The following CCDC78 variants were observed in gnomAD, a reference collection of about 807,000 sequenced individuals.
CCDC78 encodes coiled-coil domain containing 78.
Under a neutral mutation model 61.9 loss-of-function variants are expected in CCDC78, and 78 were observed. That is an observed-to-expected ratio of 1.26 (90% CI 1.05 to 1.52). The LOEUF is 1.52. Ranked by LOEUF, CCDC78 falls within the 40% of genes most tolerant of loss-of-function variation. CCDC78 has a pLI of 0.00. For missense variants in CCDC78, 737 were observed against 615.5 expected, an observed-to-expected ratio of 1.20 and a Z score of -2.09; for synonymous variants, 287 against 251.9, an observed-to-expected ratio of 1.14 and a Z score of -1.32.
rs748906891 is a variant in CCDC78 at position 725,232 on chromosome 16, C to T, written c.492+5G>A. 1.2e-6 allele frequency: 2 copies of T among 1,608,610 alleles called. No homozygotes were observed. The highest frequency in any genetic ancestry group is 2.2e-5 in the South Asian group (2 of 91,082). On this transcript the variant is annotated splice_donor_5th_base_variant and intron_variant, in intron 5 of 13. Coordinates refer to ENST00000345165, the MANE Select transcript of CCDC78 (RefSeq NM_001378030.1). ...CTCCCCTGAGCTAGGTGGCTGCACA[C>T]TCACGCCGCTCCCCAGCCTGTGCTG...
In CCDC78 at chr16:725,149, T is replaced by G. The variant is rs1380452052; in HGVS notation, c.493-4A>C. 6.2e-7 allele frequency: 1 copy of G among 1,612,724 alleles called. No individual in the cohort carries two copies. Among genetic ancestry groups the G allele is most frequent in the Non-Finnish European group, 8.5e-7 (1 of 1,179,990 alleles). On this transcript the variant is annotated splice_polypyrimidine_tract_variant and splice_region_variant and intron_variant, in intron 5 of 13. Transcript: ENST00000345165. ...CCCACTTCACTTCCCCCTGCAGCTG[T>G]GGGGCACACAGGGCTGGCTGGATGA...
rs2040763610 is a variant in CCDC78, at chr16:725,283, T to C, written c.446A>G (p.Lys149Arg). Reference sequence around the variant, plus strand: ...CTCATTCTCGGGGTTCATGGTGTTCTTGGGCTGCACCTGAATGGAAGGGAG... The same window carrying C: ...CTCATTCTCGGGGTTCATGGTGTTCCTGGGCTGCACCTGAATGGAAGGGAG... Reference protein sequence around the residue: ...SDDHRFQVQPKNTMNPENEQH... With the variant: ...SDDHRFQVQPRNTMNPENEQH... The change falls in exon 5 of 14, where the codon AAG becomes AGG. Residue 149 changes from lysine to arginine, a missense_variant. By Grantham distance (26) the Lys-to-Arg change is conservative (BLOSUM62 2). Coordinates refer to ENST00000345165, the MANE Select transcript of CCDC78 (RefSeq NM_001378030.1). 6.2e-7 allele frequency: 1 copy of C among 1,607,502 alleles called. No homozygotes were observed. The highest frequency in any genetic ancestry group is 1.7e-5 in the Admixed American group (1 of 60,002).
intron 11 of CCDC78, chr16:723,587 A>G (rs1346444503): frequency 1.5e-6 from 1 of 685,606 alleles, no homozygotes. Context: ...TCCAGGTCTC[A>G]GCGGAAACCT....
rs752780018 is a variant in CCDC78 at position 726,009 on chromosome 16, T to A, written c.137A>T (p.Glu46Val). The stretch of plus-strand genomic sequence containing the variant: ...ATTGAGCGCTAGATCTGGTGGGACC[T>A]CTGCTTCCAAGCTGGTGGCCCACAC... ...TAVWATSLEA[E>V]VPPDLALNKE... is the part of the protein sequence containing the mutation. The change falls in exon 2 of 14, where the codon GAG becomes GTG. Residue 46 changes from glutamate to valine, a missense_variant. Coordinates refer to ENST00000345165, the MANE Select transcript of CCDC78 (RefSeq NM_001378030.1). The A allele has an allele frequency of 1.5e-5, 23 of 1,549,510 alleles. No homozygotes were observed. Among genetic ancestry groups the A allele is most frequent in the Non-Finnish European group, 2.0e-5 (23 of 1,147,080 alleles).
intron 7 of CCDC78, 33 bp downstream of exon 7, chr16:724,877 TC>T: frequency 6.3e-7 from 1 of 1,597,774 alleles, no homozygotes; most frequent in African/African-American, 1.3e-5. Context: ...GCCCCCACCC[TC>T]CAGGTCTCCA....
At position 725,303 on chromosome 16, in the gene CCDC78, AG is replaced by A. The variant is rs764752941; in HGVS notation, c.436-11del. 1.2e-6 allele frequency: 2 copies of A among 1,608,506 alleles called. No homozygotes were observed. The highest frequency in any genetic ancestry group is 1.7e-6 in the Non-Finnish European group (2 of 1,179,936). ...TGTTCTTGGGCTGCACCTGAATGGA[AG>A]GGAGGGCAGGGAAAGCTAAGGGGTG... is the stretch of plus-strand genomic sequence containing the variant. On this transcript the variant is annotated splice_polypyrimidine_tract_variant and intron_variant, in intron 4 of 13. Transcript: ENST00000345165.
chr16:725,730 C>T, intron 3 of CCDC78, 64 bp downstream of exon 3: 2 of 1,575,010 alleles, frequency 1.3e-6, no homozygotes, highest in Non-Finnish European at 1.7e-6. Context: ...CCATGCAGGG[C>T]ACGTGTCCTG....
chr16:723,765 G>T, intron 11 of CCDC78, 92 bp downstream of exon 11: 1 of 1,168,400 alleles, frequency 8.6e-7, no homozygotes, highest in Non-Finnish European at 1.2e-6. Flanking sequence ...TCTGGCGGGG[G>T]CTTGGTGGAG....
intron 7 of CCDC78, 43 bp downstream of exon 7, chr16:724,868 C>A (rs1233515099): frequency 6.2e-7 from 1 of 1,600,552 alleles, no homozygotes; most frequent in African/African-American, 1.3e-5. Context: ...GCTTCTGGGG[C>A]CCCCACCCTC....
At position 726,050 on chromosome 16, in the gene CCDC78, A is replaced by G; in HGVS notation, c.96T>C (p.Ala32=). 2 of 1,548,518 alleles carry G rather than the reference A, an allele frequency of 1.3e-6. No individual in the cohort carries two copies. The highest frequency in any genetic ancestry group is 2.4e-5 in the South Asian group (2 of 84,060). The change falls in exon 2 of 14, where the codon GCT becomes GCC. Residue 32 remains alanine (A), a synonymous_variant. Transcript: ENST00000345165. The part of the protein sequence containing the change: ...VLRAKDWLPG[A]PGGTAVWATS... ...TGGCCCACACTGCGGTGCCCCCAGG[A>G]GCTCCTGGCAGCCAGTCCTTGGCTC...
chr16:722,786 G>A lies in CCDC78; in HGVS notation c.1305C>T (p.Tyr435=). The A allele has an allele frequency of 6.2e-7, 1 of 1,612,622 alleles. No homozygotes were observed. The highest frequency in any genetic ancestry group is 1.7e-5 in the Admixed American group (1 of 60,016). The change falls in exon 14 of 14, where the codon TAC becomes TAT. Residue 435 remains tyrosine (Y), a synonymous_variant. Transcript: ENST00000345165. ...QEYVDQHLGR[Y]KHEILRLRKL... is the part of the protein sequence containing the mutation. ...TCCTCAGCCTCAGGATTTCGTGCTT[G>A]TACCTGCTCAGAGGAACCATGCTTA...
rs1407963890 is a variant in CCDC78 at position 726,237 on chromosome 16, C to A, written c.60+71G>T. The A allele has an allele frequency of 1.9e-6, 3 of 1,549,666 alleles. No individual in the cohort carries two copies. In the Admixed American group the frequency reaches 5.9e-5, roughly 31 times the overall value. On this transcript the variant is annotated intron_variant, in intron 1 of 13. Transcript: ENST00000345165. ...TAGGCCCAGGGTGCAGGAACCTGCA[C>A]CCTCCTGGCCTTTGGGGGAACGGGC...
In CCDC78 at chr16:724,129, C is replaced by G; in HGVS notation, c.1030G>C (p.Asp344His). ...LEPLPVPLVTDFSHREDQHGG... is the reference protein window; with the variant it reads ...LEPLPVPLVTHFSHREDQHGG... ...ACCTGGTCCTCCCGATGGCTGAAGTCAGTGACCAGGGGCACGGGCAATGGT... is the reference window on the plus strand; with the variant it reads ...ACCTGGTCCTCCCGATGGCTGAAGTGAGTGACCAGGGGCACGGGCAATGGT... The change falls in exon 10 of 14, where the codon GAC becomes CAC. Residue 344 changes from aspartate to histidine, a missense_variant. By Grantham distance (81) the Asp-to-His change is moderately conservative (BLOSUM62 -1). Coordinates refer to ENST00000345165, the MANE Select transcript of CCDC78 (RefSeq NM_001378030.1). 6.2e-7 allele frequency: 1 copy of G among 1,600,998 alleles called. No individual in the cohort carries two copies. The highest frequency in any genetic ancestry group is 8.5e-7 in the Non-Finnish European group (1 of 1,174,000).
Position 725,310 on chromosome 16 carries a change from G to A in CCDC78, c.436-17C>T. On this transcript the variant is annotated splice_polypyrimidine_tract_variant and intron_variant, in intron 4 of 13. Transcript: ENST00000345165. ...GGGCTGCACCTGAATGGAAGGGAGG[G>A]CAGGGAAAGCTAAGGGGTGGGTGAG... 2 of 1,609,056 alleles carry A rather than the reference G, an allele frequency of 1.2e-6. No homozygotes were observed. The highest frequency in any genetic ancestry group is 1.7e-6 in the Non-Finnish European group (2 of 1,179,928).
At position 724,377 on chromosome 16, in the gene CCDC78, G is replaced by A. The variant is rs746291744; in HGVS notation, c.898C>T (p.His300Tyr). Reference sequence around the variant, plus strand: ...CGGCTCAGATCCACCAGCCTCTTGTGGTAGCTGCGGGCAGCCCGGGCCAGC... The same window carrying A: ...CGGCTCAGATCCACCAGCCTCTTGTAGTAGCTGCGGGCAGCCCGGGCCAGC... ...QQLARAARSY[H>Y]KRLVDLSRRH... Residue 300 changes from histidine to tyrosine, a missense_variant, in exon 9 of 14, where the codon CAC becomes TAC. Physicochemically the swap from His to Tyr is moderately conservative, Grantham distance 83. Transcript: ENST00000345165. 3 of 1,612,160 alleles carry A rather than the reference G, an allele frequency of 1.9e-6. No individual in the cohort carries two copies. The highest frequency in any genetic ancestry group is 4.5e-5 in the East Asian group (2 of 44,870).
At chr16:725,651 T>C (rs767962344) in intron 3 of CCDC78, 71 bp from the exon 4 acceptor site, 2 of 1,584,796 alleles carry the variant, frequency 1.3e-6, no homozygotes, top group Non-Finnish European at 1.7e-6. Flanking sequence ...ATTCACCCGG[T>C]GCACGCTCAG....
Position 724,157 on chromosome 16 carries a change from C to T in CCDC78, c.1002G>A (p.Leu334=), listed in dbSNP as rs763975235. 1.9e-6 allele frequency: 3 copies of T among 1,605,834 alleles called. No homozygotes were observed. The highest frequency in any genetic ancestry group is 2.2e-5 in the South Asian group (2 of 90,118). Residue 334 remains leucine (L), a synonymous_variant, in exon 10 of 14, where the codon CTG becomes CTA. Coordinates refer to ENST00000345165, the MANE Select transcript of CCDC78 (RefSeq NM_001378030.1). Reference sequence around the variant, plus strand: ...TGACCAGGGGCACGGGCAATGGTTCCAGGTCCAAGCTGGCTATGTCAAAAA... The same window carrying T: ...TGACCAGGGGCACGGGCAATGGTTCTAGGTCCAAGCTGGCTATGTCAAAAA... ...QAIFDIASLD[L]EPLPVPLVTD...
At position 725,412 on chromosome 16, in the gene CCDC78, C is replaced by T. The variant is rs781165528; in HGVS notation, c.435+1G>A. The T allele has an allele frequency of 3.1e-6, 5 of 1,612,492 alleles. No homozygotes were observed. The highest frequency in any genetic ancestry group is 1.3e-5 in the African/African-American group (1 of 74,918). ...CAGGCTCTCCATATGCTCATGGTAACCTGGAATCTGTGGTCATCAGAGTGT... is the reference window on the plus strand; with the variant it reads ...CAGGCTCTCCATATGCTCATGGTAATCTGGAATCTGTGGTCATCAGAGTGT... On this transcript the variant is annotated splice_donor_variant, in intron 4 of 13. Transcript: ENST00000345165. LOFTEE classifies it high-confidence loss of function.
In CCDC78 at chr16:725,522, T is replaced by A. The variant is rs747156152; in HGVS notation, c.326A>T (p.Gln109Leu). 5.6e-6 allele frequency: 9 copies of A among 1,612,298 alleles called. No individual in the cohort carries two copies. The Admixed American group carries it at 1.0e-4, about 18-fold the overall frequency. The stretch of plus-strand genomic sequence containing the variant: ...AGACTCCACTGGGACTGCACAGCCC[T>A]GGCTGGTGCCATCTCCTCGCAGCTC... ...ELELRGDGTS[Q>L]GCAVPVESDP... is the part of the protein sequence containing the mutation. Residue 109 changes from glutamine to leucine, a missense_variant, in exon 4 of 14, where the codon CAG (glutamine) becomes CTG (leucine). Transcript: ENST00000345165.
Sources: gnomAD v4.1 joint callset for allele counts on GRCh38, gnomAD v4.1.1 for gene constraint, MANE v1.5 for transcripts, NCBI Gene and HGNC (gene_info 2026-07-23, HGNC 2026-07-21) for gene names.